Variants in ADGRF4 observed in about 807,000 individuals in gnomAD.
The protein encoded by ADGRF4 is G-protein coupled receptor PGR18.
A neutral mutation model predicts 58.5 loss-of-function variants in ADGRF4; 63 were observed. That is an observed-to-expected ratio of 1.08 (90% confidence interval 0.88 to 1.33). The LOEUF (loss-of-function observed/expected upper bound fraction) is 1.33. Ranked by LOEUF, ADGRF4 falls within the 40% of genes most tolerant of loss-of-function variation. ADGRF4 has a pLI of 0.00. For missense variants in ADGRF4, 931 were observed against 843.9 expected (o/e 1.10, Z -1.28); for synonymous variants, 313 against 295.4 (o/e 1.06, Z -0.61).
intron 3 of ADGRF4, 78 bp downstream of exon 3, chr6:47,708,356 T>G: frequency 4.7e-6 from 5 of 1,063,282 alleles, no homozygotes; most frequent in Non-Finnish European, 7.3e-6. Context: ...TGCAAGCTTG[T>G]CCCCAGACCA....
chr6:47,710,450 C>T (rs1199334857), intron 3 of ADGRF4, among the ~76,000 whole-genome samples: 1 of 152,212 alleles, frequency 6.6e-6, no homozygotes, highest in Non-Finnish European at 1.5e-5. Context: ...TTAACCCCTG[C>T]TTTCCTTCCC....
In ADGRF4 at chr6:47,712,439, T is replaced by C. The variant is rs1201417143; in HGVS notation, c.383T>C (p.Ile128Thr). ...HILDFRAPET[I>T]ESVAQGIRKN... ...CTAGACTTTCGAGCTCCAGAGACCA[T>C]TGAGAGTGTAGCTCAAGGAATCCGT... Residue 128 changes from isoleucine (I) to threonine (T), a missense_variant, in exon 5 of 10, where the codon ATT becomes ACT. Ile to Thr is a moderately conservative substitution (Grantham distance 89). Transcript: ENST00000283303. 7.4e-6 allele frequency: 12 copies of C among 1,613,982 alleles called. No individual in the cohort carries two copies. The Admixed American group carries it at 8.3e-5, about 11-fold the overall frequency.
At chr6:47,701,310 A>T (rs1053427834) in intron 1 of ADGRF4, among the ~76,000 whole-genome samples, 4 of 152,182 alleles carry the variant, frequency 2.6e-5, no homozygotes, top group Admixed American at 2.6e-4. Flanking sequence ...GGTAATTAAC[A>T]CTTTTATAAT....
chr6:47,701,374 G>A (rs1013729151), intron 1 of ADGRF4, among the ~76,000 whole-genome samples: 1 of 152,132 alleles, frequency 6.6e-6, no homozygotes, highest in Non-Finnish European at 1.5e-5. Context: ...CCTGCGACGT[G>A]ACTTTTTCAG....
In ADGRF4 at chr6:47,715,071, T is replaced by C. The variant is rs145281342; in HGVS notation, c.1826T>C (p.Ile609Thr). ...ATGAGGATCAGCAAAAATGTTGCCATCCTCACTCCACTGCTGGGACTGACC... is the reference window on the plus strand; with the variant it reads ...ATGAGGATCAGCAAAAATGTTGCCACCCTCACTCCACTGCTGGGACTGACC... ...IIMRISKNVA[I>T]LTPLLGLTWG... Residue 609 changes from isoleucine to threonine, a missense_variant, in exon 6 of 10, where the codon ATC becomes ACC. By Grantham distance (89) the Ile-to-Thr change is moderately conservative (BLOSUM62 -1). Coordinates refer to ENST00000283303, the MANE Select transcript of ADGRF4 (RefSeq NM_153838.5). 5.0e-6 allele frequency: 8 copies of C among 1,613,068 alleles called. No individual in the cohort carries two copies. The African/African-American group carries it at 9.3e-5, about 19-fold the overall frequency.
At position 47,712,498 on chromosome 6, in the gene ADGRF4, G is replaced by A; in HGVS notation, c.442G>A (p.Asp148Asn). 6.2e-7 allele frequency: 1 copy of A among 1,613,976 alleles called. No homozygotes were observed. Among genetic ancestry groups the A allele is most frequent in the Non-Finnish European group, 8.5e-7 (1 of 1,179,872 alleles). ...NCPFDYACIT[D>N]MVKSSETTSG... The stretch of plus-strand genomic sequence containing the variant: ...CCCCTTTGATTATGCCTGCATCACT[G>A]ACATGGTGAAATCATCAGAAACAAC... Residue 148 changes from aspartate (D) to asparagine (N), a missense_variant, in exon 5 of 10, where the codon GAC becomes AAC. Transcript: ENST00000283303.
chr6:47,710,617 A>G (rs1581694244), intron 3 of ADGRF4, 118 bp from the exon 4 acceptor site: 3 of 973,936 alleles, frequency 3.1e-6, no homozygotes, highest in Non-Finnish European at 4.6e-6. Context: ...AGTTCAACCC[A>G]ATTGCCTCCT....
chr6:47,707,451 C>G (rs1453213470), intron 2 of ADGRF4, 113 bp downstream of exon 2: 1 of 724,310 alleles, frequency 1.4e-6, no homozygotes, highest in Non-Finnish European at 2.4e-6. Flanking sequence ...ATGGTTACAA[C>G]TTTACTCTTG....
chr6:47,718,269 T>C (rs1772076211), intron 8 of ADGRF4, 120 bp from the exon 9 acceptor site: 2 of 711,646 alleles, frequency 2.8e-6, no homozygotes, highest in Non-Finnish European at 2.6e-6. Flanking sequence ...TCTGTGTAGC[T>C]ATATCAGTGT....
chr6:47,700,291 TGTCAG>T (rs1771561717), intron 1 of ADGRF4, among the ~76,000 whole-genome samples: 1 of 152,248 alleles, frequency 6.6e-6, no homozygotes, highest in Non-Finnish European at 1.5e-5. Flanking sequence ...GGAGTCCTGA[TGTCAG>T]GCCGCACTCA....
chr6:47,709,982 T>C (rs929151751), intron 3 of ADGRF4, among the ~76,000 whole-genome samples: 1 of 152,154 alleles, frequency 6.6e-6, no homozygotes, highest in African/African-American at 2.4e-5. Flanking sequence ...AGAAAATGCA[T>C]ATGTTAGATA....
At chr6:47,701,855 C>CA (rs1301369319) in intron 1 of ADGRF4, among the ~76,000 whole-genome samples, 1 of 152,216 alleles carries the variant, frequency 6.6e-6, no homozygotes, top group African/African-American at 2.4e-5. Context: ...TTTCTTGAGA[C>CA]AGAGTTTCAC....
chr6:47,701,388 C>T (rs1581688643), intron 1 of ADGRF4, among the ~76,000 whole-genome samples: 1 of 152,080 alleles, frequency 6.6e-6, no homozygotes. Flanking sequence ...TTTTCAGGTC[C>T]CAAGAAGCTG....
At chr6:47,708,033 C>A (rs528921886) in intron 2 of ADGRF4, among the ~76,000 whole-genome samples, 191 bp from the exon 3 acceptor site, 1 of 152,188 alleles carries the variant, frequency 6.6e-6, no homozygotes, top group African/African-American at 2.4e-5. Context: ...TATCAGAGGG[C>A]GTGCATTCTC....
Position 47,714,880 on chromosome 6 carries a change from A to G in ADGRF4, c.1635A>G (p.Arg545=), listed in dbSNP as rs1317700707. 3 of 1,609,278 alleles carry G rather than the reference A, an allele frequency of 1.9e-6. No individual in the cohort carries two copies. The African/African-American group carries it at 4.0e-5, about 22-fold the overall frequency. Residue 545 remains arginine, a synonymous_variant, in exon 6 of 10, where the codon AGA becomes AGG. Transcript: ENST00000283303. ...AITEPEKGYM[R]PEACWLNWDN... is the part of the protein sequence containing the mutation. ...CAGAGCCAGAGAAAGGCTACATGAGACCTGAGGCCTGTTGGCTTAACTGGG... is the reference window on the plus strand; with the variant it reads ...CAGAGCCAGAGAAAGGCTACATGAGGCCTGAGGCCTGTTGGCTTAACTGGG...
intron 8 of ADGRF4, 21 bp downstream of exon 8, chr6:47,717,372 C>T (rs777458131): frequency 6.4e-7 from 1 of 1,570,098 alleles, no homozygotes; most frequent in Non-Finnish European, 8.8e-7. Flanking sequence ...CCCTTTTAGT[C>T]TCAGCCCTGG....
chr6:47,707,303 G>A lies in ADGRF4; in HGVS notation c.58G>A (p.Glu20Lys). The change falls in exon 2 of 10, where the codon GAA (glutamate) becomes AAA (lysine). Residue 20 changes from glutamate to lysine, a missense_variant. Coordinates refer to ENST00000283303, the MANE Select transcript of ADGRF4 (RefSeq NM_153838.5). ...CTGCTTAGTGTTCTTTCTGTCCACAGAATGTTCCCACTATAGATCCAAGAT... is the reference window on the plus strand; with the variant it reads ...CTGCTTAGTGTTCTTTCTGTCCACAAAATGTTCCCACTATAGATCCAAGAT... ...ICCLVFFLST[E>K]CSHYRSKIHL... is the part of the protein sequence containing the mutation. The A allele has an allele frequency of 6.2e-7, 1 of 1,613,036 alleles. No homozygotes were observed. The highest frequency in any genetic ancestry group is 8.5e-7 in the Non-Finnish European group (1 of 1,178,994).
At chr6:47,708,148 A>T in intron 2 of ADGRF4, 76 bp from the exon 3 acceptor site, 3 of 1,072,690 alleles carry the variant, frequency 2.8e-6, no homozygotes, top group Non-Finnish European at 4.3e-6. Context: ...TTTCATATTC[A>T]TATGGAGCCT....
Position 47,718,355 on chromosome 6 carries a change from T to C in ADGRF4, c.2035-34T>C. ...ATATACATTTTGTCAATATAATTAC[T>C]CATTACCACTACTGTTATTTTTCCC... On this transcript the variant is annotated intron_variant, in intron 8 of 9. Transcript: ENST00000283303. 3.6e-6 allele frequency: 4 copies of C among 1,109,286 alleles called. No individual in the cohort carries two copies. The South Asian group carries it at 4.9e-5, about 14-fold the overall frequency. 68.7% of individuals were successfully genotyped at this position (1,109,286 alleles called of 1,614,324 possible). A position where few individuals can be genotyped will look rare whatever the true frequency, so the allele number is the denominator to read the frequency against.
Sources: gnomAD v4.1 joint callset for allele counts (sites outside exome capture counted in the v4.1 genomes callset) on GRCh38, gnomAD v4.1.1 for gene constraint, MANE v1.5 for transcripts, NCBI Gene and HGNC (gene_info 2026-07-23, HGNC 2026-07-21) for gene names.